Variants in CLDN16 observed in about 807,000 individuals in gnomAD.
CLDN16 encodes claudin-16.
A neutral mutation model predicts 24.6 loss-of-function variants in CLDN16; 13 were observed. The ratio of observed to expected loss-of-function variants is 0.53; its 90% confidence interval spans 0.34 to 0.84. CLDN16 has a LOEUF of 0.84. Among genes scored for constraint, CLDN16 ranks in the 40% least tolerant of loss-of-function variants. The probability of loss-of-function intolerance (pLI) is 0.01; values close to 1 mark genes in which losing one functional copy is unlikely to be tolerated. For missense variants in CLDN16, 298 were observed against 292.7 expected, an observed-to-expected ratio of 1.02 and a Z score of -0.13; for synonymous variants, 116 against 106.7, an observed-to-expected ratio of 1.09 and a Z score of -0.54.
the CLDN16 span, among the ~76,000 whole-genome samples, chr3:190,309,944 C>T: frequency 6.6e-6 from 1 of 152,110 alleles, no homozygotes; most frequent in Non-Finnish European, 1.5e-5. Context: ...AAGCACAGAG[C>T]TTGAAACTTT....
At chr3:190,333,535 T>C (rs1200643174) in intron 1 of CLDN16, among the ~76,000 whole-genome samples, 1 of 16,460 alleles carries the variant, frequency 6.1e-5, no homozygotes, top group Non-Finnish European at 1.5e-4. Context: ...GTCTATCATC[T>C]ATCTATCTAT....
At chr3:190,335,765 C>T (rs1717290508) in intron 1 of CLDN16, among the ~76,000 whole-genome samples, 1 of 141,922 alleles carries the variant, frequency 7.0e-6, no homozygotes, top group African/African-American at 2.6e-5. Context: ...GAATAAATGA[C>T]TTGCATAAAA....
In CLDN16 at chr3:190,404,818, G is replaced by C. The variant is rs1335620169; in HGVS notation, c.274G>C (p.Gly92Arg). ...MITADILAGFGFLTLLLGLDC... is the reference protein window; with the variant it reads ...MITADILAGFRFLTLLLGLDC... ...TACTGCAGATATTCTAGCTGGGTTTGGATTTCTCACCCTGCTCCTTGGTCT... is the reference window on the plus strand; with the variant it reads ...TACTGCAGATATTCTAGCTGGGTTTCGATTTCTCACCCTGCTCCTTGGTCT... The change falls in exon 3 of 5, where the codon GGA becomes CGA. Residue 92 changes from glycine to arginine, a missense_variant. Gly to Arg is a moderately radical substitution (Grantham distance 125). Transcript: ENST00000264734. 3 of 1,614,074 alleles carry C rather than the reference G, an allele frequency of 1.9e-6. No homozygotes were observed. The South Asian group carries it at 3.3e-5, about 18-fold the overall frequency.
the CLDN16 span, chr3:190,310,186 C>G: frequency 6.2e-7 from 1 of 1,613,720 alleles, no homozygotes; most frequent in Non-Finnish European, 8.5e-7. Context: ...TGACTGGGGT[C>G]ATAGGGTCAT....
chr3:190,335,628 C>T (rs1425100576), intron 1 of CLDN16, among the ~76,000 whole-genome samples: 2 of 141,518 alleles, frequency 1.4e-5, no homozygotes, highest in Non-Finnish European at 1.5e-5. Flanking sequence ...AGGGGAATCA[C>T]TTGAACCCAG....
rs76818661 is a variant in CLDN16, at chr3:190,326,051, T to C, written n.121+3390T>C. On this transcript the variant is annotated intron_variant and non_coding_transcript_variant, in intron 1 of 4. Transcript: ENST00000468220. Reference sequence around the variant, plus strand: ...GGTAGTGGTTAAAAGCACAAACCTTTTGAATCCCATTACTGCCACTTAAAG... The same window carrying C: ...GGTAGTGGTTAAAAGCACAAACCTTCTGAATCCCATTACTGCCACTTAAAG... Among the ~76,000 whole-genome samples, 784 of 152,286 alleles carry C rather than the reference T, an allele frequency of 5.1e-3. 11 individuals are homozygous for C. Among genetic ancestry groups the C allele is most frequent in the African/African-American group, 0.018 (747 of 41,552 alleles).
At chr3:190,333,219 C>G (rs1237236126) in intron 1 of CLDN16, among the ~76,000 whole-genome samples, 2 of 152,078 alleles carry the variant, frequency 1.3e-5, no homozygotes, top group Non-Finnish European at 2.9e-5. Flanking sequence ...TAGGTAATTT[C>G]ATTCTATTTT....
upstream of CLDN16, chr3:190,322,266 C>A (rs534195664): frequency 5.3e-6 from 8 of 1,496,026 alleles, no homozygotes; most frequent in African/African-American, 5.5e-5. Context: ...GGAGAGTTTG[C>A]AGGTGGGCAA....
At chr3:190,352,267 G>A (rs1258927020) in intron 1 of CLDN16, among the ~76,000 whole-genome samples, 1 of 151,874 alleles carries the variant, frequency 6.6e-6, no homozygotes, top group Non-Finnish European at 1.5e-5. Flanking sequence ...AGTTTGCCAA[G>A]TGAATTTAGT....
chr3:190,369,967 G>A (rs909082208), intron 1 of CLDN16, among the ~76,000 whole-genome samples: 3 of 152,030 alleles, frequency 2.0e-5, no homozygotes, highest in Admixed American at 1.3e-4. Flanking sequence ...GCCTTAATGC[G>A]AATTTTGTAT....
chr3:190,316,930 C>T, the CLDN16 span, among the ~76,000 whole-genome samples: 1 of 152,260 alleles, frequency 6.6e-6, no homozygotes, highest in Middle Eastern at 3.4e-3. Flanking sequence ...TAACTAGAAA[C>T]TCATGCAGAT....
chr3:190,361,718 C>G (rs1200295620), intron 1 of CLDN16, among the ~76,000 whole-genome samples: 1 of 149,112 alleles, frequency 6.7e-6, no homozygotes, highest in Non-Finnish European at 1.5e-5. Context: ...CCCAAGAAAT[C>G]ATTTTTTTTT....
intron 1 of CLDN16, among the ~76,000 whole-genome samples, chr3:190,364,667 G>A (rs1717979741): frequency 6.6e-6 from 1 of 151,944 alleles, no homozygotes; most frequent in Non-Finnish European, 1.5e-5. Context: ...ACTGGCTCAA[G>A]TGGTAAGGCT....
chr3:190,380,140 CT>C lies in CLDN16; in HGVS notation n.306+5541del, dbSNP rs375849345. On this transcript the variant is annotated intron_variant and non_coding_transcript_variant, in intron 3 of 4. Coordinates refer to the CLDN16 transcript ENST00000468220. ...CATTCCTTCCTTTCTTCCTTCCTTC[CT>C]TTTCTTCCTTCCCTCCCTTCCTTCC... Among the ~76,000 whole-genome samples the C allele has an allele frequency of 1.8e-3, 51 of 28,702 alleles. 2 individuals are homozygous for C. The highest frequency in any genetic ancestry group is 3.4e-3 in the African/African-American group (23 of 6,720). 18.8% of individuals were successfully genotyped at this position (28,702 alleles called of 152,430 possible).
chr3:190,408,632 C>T (rs1719168759), intron 4 of CLDN16, 127 bp downstream of exon 4: 1 of 878,318 alleles, frequency 1.1e-6, no homozygotes, highest in Non-Finnish European at 1.8e-6. Context: ...ATTAAAAATT[C>T]CAATTGTTCA....
At chr3:190,397,571 C>G (rs1718853271) in intron 1 of CLDN16, among the ~76,000 whole-genome samples, 1 of 152,088 alleles carries the variant, frequency 6.6e-6, no homozygotes, top group African/African-American at 2.4e-5. Flanking sequence ...ATAAATCATA[C>G]CAGAGAGCAT....
intron 1 of CLDN16, among the ~76,000 whole-genome samples, chr3:190,366,436 A>G (rs552068288): frequency 1.4e-4 from 21 of 151,996 alleles, no homozygotes; most frequent in Admixed American, 4.6e-4. Flanking sequence ...AAAAAATCCC[A>G]TTTTAAAGAT....
chr3:190,291,308 A>T, the CLDN16 span, among the ~76,000 whole-genome samples: 5,396 of 152,246 alleles, frequency 0.035, 311 homozygotes, highest in African/African-American at 0.12. Context: ...GTAAATTATT[A>T]AAAAAGAGGT....
intron 1 of CLDN16, among the ~76,000 whole-genome samples, chr3:190,341,365 T>G (rs1480161241): frequency 6.6e-6 from 1 of 152,232 alleles, no homozygotes; most frequent in Non-Finnish European, 1.5e-5. Context: ...TCTTGACTTC[T>G]GTGCACTTGC....
Sources: gnomAD v4.1 joint callset for allele counts (sites outside exome capture counted in the v4.1 genomes callset) on GRCh38, gnomAD v4.1.1 for gene constraint, MANE v1.5 for transcripts, NCBI Gene and HGNC (gene_info 2026-07-23, HGNC 2026-07-21) for gene names.